Variants in PCDHA12 observed in about 807,000 individuals in gnomAD.
PCDHA12 encodes the protein protocadherin alpha 12.
PCDHA12 carries 44 observed loss-of-function variants against 60.0 expected under a neutral mutation model. That is an observed-to-expected ratio of 0.73 (90% confidence interval 0.58 to 0.94). PCDHA12 has a LOEUF of 0.94. Ranked by LOEUF, PCDHA12 falls within the 40% of genes least tolerant of loss-of-function variation. PCDHA12 has a pLI of 0.00. For missense variants in PCDHA12, 1,276 were observed against 1,239.7 expected (o/e 1.03, Z -0.44); for synonymous variants, 569 against 553.0 (o/e 1.03, Z -0.40).
rs892674985 is a variant in PCDHA12, at chr5:140,877,508, C to T, written c.2036C>T (p.Ser679Leu). ...GAGAACGGCCAGGCCCCAAAGACGT[C>T]GTCGCGGGCCTCAGTGGGCGCTGTG... ...LVENGQAPKT[S>L]SRASVGAVDP... is the part of the protein sequence containing the mutation. Residue 679 changes from serine (S) to leucine (L), a missense_variant, in exon 1 of 4, where the codon TCG becomes TTG. Physicochemically the swap from Ser to Leu is moderately radical, Grantham distance 145. Transcript: ENST00000398631. The T allele has an allele frequency of 2.5e-6, 4 of 1,613,808 alleles. No homozygotes were observed. The highest frequency in any genetic ancestry group is 2.5e-6 in the Non-Finnish European group (3 of 1,179,882).
intron 1 of PCDHA12, chr5:140,967,045 C>T: frequency 6.2e-7 from 1 of 1,612,250 alleles, no homozygotes. Flanking sequence ...TGGAGCTGGA[C>T]CTGACGAGTG....
intron 1 of PCDHA12, among the ~76,000 whole-genome samples, chr5:140,886,696 C>T (rs564317930): frequency 2.0e-5 from 3 of 151,944 alleles, no homozygotes; most frequent in Non-Finnish European, 2.9e-5. Flanking sequence ...CATGGTGGCA[C>T]GCGCCTGTAA....
chr5:140,949,978 C>T (rs557456282), intron 1 of PCDHA12, among the ~76,000 whole-genome samples: 1 of 151,916 alleles, frequency 6.6e-6, no homozygotes, highest in East Asian at 1.9e-4. Context: ...AGCATACATA[C>T]TTAACTTTTC....
intron 3 of PCDHA12, 171 bp from the exon 4 acceptor site, chr5:141,009,456 C>CAAAT: frequency 3.2e-6 from 3 of 947,762 alleles, no homozygotes; most frequent in Non-Finnish European, 2.5e-6. Flanking sequence ...AAAAATTAAA[C>CAAAT]AAATAAATAA....
intron 1 of PCDHA12, chr5:140,882,198 G>C (rs964999330): frequency 2.0e-6 from 3 of 1,525,466 alleles, no homozygotes; most frequent in African/African-American, 2.8e-5. Context: ...ATAAAAATTG[G>C]GCCTTGAGAG....
At chr5:140,974,799 A>G (rs116037205) in intron 1 of PCDHA12, among the ~76,000 whole-genome samples, 2 of 152,294 alleles carry the variant, frequency 1.3e-5, no homozygotes, top group African/African-American at 2.4e-5. Context: ...TCATTTTGAT[A>G]TACTAGAAGA....
chr5:140,981,787 T>C (rs2096951436), intron 2 of PCDHA12, among the ~76,000 whole-genome samples: 1 of 152,116 alleles, frequency 6.6e-6, no homozygotes, highest in Non-Finnish European at 1.5e-5. Flanking sequence ...CCATGTTCTC[T>C]TTTCCCTTGA....
At chr5:140,963,531 TTTAC>T (rs1391697303) in intron 1 of PCDHA12, among the ~76,000 whole-genome samples, 2 of 152,218 alleles carry the variant, frequency 1.3e-5, no homozygotes, top group African/African-American at 4.8e-5. Flanking sequence ...AGAAGTCCCA[TTTAC>T]TTCATGATAT....
At chr5:140,966,789 C>T (rs782194817) in intron 1 of PCDHA12, 3 of 1,528,688 alleles carry the variant, frequency 2.0e-6, no homozygotes, top group Non-Finnish European at 2.6e-6. Flanking sequence ...GGCACCAGAC[C>T]TGCGGCGACA....
In PCDHA12 at chr5:140,927,579, C is replaced by T. The variant is rs369243383; in HGVS notation, c.2367+49740C>T. The T allele has an allele frequency of 3.2e-4, 517 of 1,614,178 alleles. 2 individuals are homozygous for T. Among genetic ancestry groups the T allele is most frequent in the Non-Finnish European group, 4.1e-4 (483 of 1,180,030 alleles). On this transcript the variant is annotated intron_variant, in intron 1 of 3. Coordinates refer to ENST00000398631, the MANE Select transcript of PCDHA12 (RefSeq NM_018903.4). ...TCATTGTGGTGGACACAAATGACAA[C>T]GCGCCTGTATTTGAGCGCTCCGTAT...
In PCDHA12 at chr5:140,937,678, T is replaced by C. The variant is rs570305485; in HGVS notation, c.2368-41271T>C. On this transcript the variant is annotated intron_variant, in intron 1 of 3. Coordinates refer to ENST00000398631, the MANE Select transcript of PCDHA12 (RefSeq NM_018903.4). ...CTGTAATCCCAGCACTTTGGGAGGC[T>C]GAGGCAGGCGGATCACGAGGTCAGG... Among the ~76,000 whole-genome samples the C allele has an allele frequency of 5.4e-3, 825 of 151,734 alleles. 2 individuals are homozygous for C. Among genetic ancestry groups the C allele is most frequent in the African/African-American group, 0.019 (794 of 41,384 alleles).
chr5:140,927,309 C>T (rs2084071798), intron 1 of PCDHA12: 4 of 1,614,058 alleles, frequency 2.5e-6, no homozygotes, highest in Admixed American at 1.7e-5. Context: ...TCCTGACGCC[C>T]GGAGCCCGCT....
Position 140,985,833 on chromosome 5 carries a change from G to A in PCDHA12, c.2515+3270G>A, listed in dbSNP as rs1458914557. Among the ~76,000 whole-genome samples the A allele has an allele frequency of 2.8e-5, 4 of 143,674 alleles. No homozygotes were observed. In the East Asian group the frequency reaches 6.5e-4, roughly 23 times the overall value. The allele number at this position is 143,674 out of a possible 152,430, so 94.3% of individuals were successfully genotyped here. A position where few individuals can be genotyped will look rare whatever the true frequency, so the allele number is the denominator to read the frequency against. ...CAGCTCACAACAAGCTCTGCCTCCC[G>A]GGTTCATGCCACTCTCCTGCCTCAG... On this transcript the variant is annotated intron_variant, in intron 3 of 3. Coordinates refer to ENST00000398631, the MANE Select transcript of PCDHA12 (RefSeq NM_018903.4).
At chr5:140,954,183 A>T (rs246025) in intron 1 of PCDHA12, among the ~76,000 whole-genome samples, 85,732 of 152,134 alleles carry the variant, frequency 0.56, 24,791 homozygotes, top group African/African-American at 0.69. Flanking sequence ...CCAGTCTATC[A>T]TTGATGGGCA....
intron 1 of PCDHA12, chr5:140,969,344 T>G: frequency 6.2e-7 from 1 of 1,613,664 alleles, no homozygotes; most frequent in Non-Finnish European, 8.5e-7. Context: ...GAGACAGTGG[T>G]CAGGGGGTCT....
intron 1 of PCDHA12, among the ~76,000 whole-genome samples, chr5:140,919,250 T>G (rs1471325437): frequency 6.6e-6 from 1 of 152,236 alleles, no homozygotes; most frequent in African/African-American, 2.4e-5. Flanking sequence ...TTGTCTGTTT[T>G]GTCTGATATT....
In PCDHA12 at chr5:140,877,544, C is replaced by A. The variant is rs782624202; in HGVS notation, c.2072C>A (p.Ala691Glu). 6.2e-7 allele frequency: 1 copy of A among 1,613,676 alleles called. No individual in the cohort carries two copies. Among genetic ancestry groups the A allele is most frequent in the African/African-American group, 1.3e-5 (1 of 74,932 alleles). ...RASVGAVDPE[A>E]ALVDINVYLI... ...TCAGTGGGCGCTGTGGATCCCGAAG[C>A]GGCTCTGGTGGATATTAACGTGTAC... Residue 691 changes from alanine to glutamate, a missense_variant, in exon 1 of 4, where the codon GCG becomes GAG. Ala to Glu is a moderately radical substitution (Grantham distance 107, BLOSUM62 -1). Transcript: ENST00000398631.
chr5:140,987,850 A>G lies in PCDHA12; in HGVS notation c.2515+5287A>G, dbSNP rs115051779. Among the ~76,000 whole-genome samples, 1,266 of 152,242 alleles carry G rather than the reference A, an allele frequency of 8.3e-3. 21 individuals are homozygous for G. Among genetic ancestry groups the G allele is most frequent in the African/African-American group, 0.028 (1,145 of 41,532 alleles). On this transcript the variant is annotated intron_variant, in intron 3 of 3. Coordinates refer to ENST00000398631, the MANE Select transcript of PCDHA12 (RefSeq NM_018903.4). ...GGGATTGCTTTTGCCCTGATTTGCCACATCTCTTTACTCTGTGGAAAATGG... is the reference window on the plus strand; with the variant it reads ...GGGATTGCTTTTGCCCTGATTTGCCGCATCTCTTTACTCTGTGGAAAATGG...
intron 1 of PCDHA12, among the ~76,000 whole-genome samples, chr5:140,898,053 A>C (rs1444652933): frequency 1.3e-5 from 2 of 151,746 alleles, no homozygotes; most frequent in Admixed American, 1.3e-4. Context: ...TTTTTCTTGT[A>C]AATTTGTTTG....
Sources: gnomAD v4.1 joint callset for allele counts (sites outside exome capture counted in the v4.1 genomes callset) on GRCh38, gnomAD v4.1.1 for gene constraint, MANE v1.5 for transcripts, NCBI Gene and HGNC (gene_info 2026-07-23, HGNC 2026-07-21) for gene names.